The following C21orf58 variants were observed in gnomAD, a reference collection of about 807,000 sequenced individuals.
The protein encoded by C21orf58 is chromosome 21 open reading frame 58, also known as uncharacterized protein C21orf58.
Under a neutral mutation model 35.8 loss-of-function variants are expected in C21orf58, and 34 were observed. The ratio of observed to expected loss-of-function variants is 0.95; its 90% CI spans 0.72 to 1.26. The LOEUF is 1.26. C21orf58 is among the 50% of genes most tolerant of loss of function. The probability of loss-of-function intolerance (pLI) is 0.00; values close to 1 mark genes in which losing one functional copy is unlikely to be tolerated. For synonymous variants in C21orf58, 191 were observed against 175.8 expected (o/e 1.09, Z -0.68); for missense variants, 440 against 414.3 (o/e 1.06, Z -0.54).
chr21:46,305,950 AG>A (rs1285853226), intron 6 of C21orf58, among the ~76,000 whole-genome samples: 22 of 151,948 alleles, frequency 1.4e-4, no homozygotes, highest in Admixed American at 7.9e-4. Flanking sequence ...AAAAAAAAAA[AG>A]AAAAGAATCT....
intron 6 of C21orf58, among the ~76,000 whole-genome samples, chr21:46,303,053 C>A (rs1055980385): frequency 6.6e-5 from 10 of 152,152 alleles, no homozygotes; most frequent in African/African-American, 2.4e-4. Context: ...AATCCCAGCT[C>A]CTTGGGAGGC....
At chr21:46,302,314 A>G (rs945195287) in intron 7 of C21orf58, among the ~76,000 whole-genome samples, 160 bp from the exon 8 acceptor site, 1 of 152,268 alleles carries the variant, frequency 6.6e-6, no homozygotes, top group Middle Eastern at 3.4e-3. Flanking sequence ...AAATTGTGCA[A>G]CCCATTCCTC....
intron 5 of C21orf58, among the ~76,000 whole-genome samples, chr21:46,314,463 A>G (rs1425898713): frequency 6.6e-6 from 1 of 152,142 alleles, no homozygotes; most frequent in Non-Finnish European, 1.5e-5. Flanking sequence ...CCCTAATGCA[A>G]CATTTAAGGC....
rs944083612 is a variant in C21orf58 at position 46,302,098 on chromosome 21, G to A, written c.870C>T (p.Ala290=). The change falls in exon 8 of 8, where the codon GCC becomes GCT. Residue 290 remains alanine, a synonymous_variant. Transcript: ENST00000291691. ...GGTGGTGGTGGTGGTGGTGGTGCAC[G>A]GCAGGCAGCCTTGGCCTGGCAGCTC... ...VPRAARPRLP[A]VHHHHHHHHA... 19 of 1,511,594 alleles carry A rather than the reference G, an allele frequency of 1.3e-5. No homozygotes were observed. Among genetic ancestry groups the A allele is most frequent in the Admixed American group, 4.2e-5 (2 of 47,160 alleles). 93.6% of individuals were successfully genotyped at this position (1,511,594 alleles called of 1,614,324 possible).
chr21:46,304,052 A>C (rs1265196126), intron 6 of C21orf58, among the ~76,000 whole-genome samples: 1 of 81,268 alleles, frequency 1.2e-5, no homozygotes, highest in Admixed American at 2.0e-4. Context: ...TTTGAGACGG[A>C]GTCTCACTGT....
chr21:46,314,995 C>A (rs548656904), intron 4 of C21orf58, 115 bp from the exon 5 acceptor site: 29 of 1,549,754 alleles, frequency 1.9e-5, no homozygotes, highest in South Asian at 1.7e-4. Context: ...CCTCTCCGGG[C>A]AGGATGGCCA....
chr21:46,318,091 G>A lies in C21orf58; in HGVS notation c.230C>T (p.Ser77Leu), dbSNP rs150599402. 1.9e-4 allele frequency: 306 copies of A among 1,613,340 alleles called. No homozygotes were observed. The African/African-American group carries it at 3.7e-3, about 20-fold the overall frequency. Residue 77 changes from serine to leucine, a missense_variant, in exon 2 of 8, where the codon TCG becomes TTG. Transcript: ENST00000291691. ...CAGCATGGTGGGAGCTGCAGGAGACGACTGTAGGGGCAGGGGAGGCCACAG... is the reference window on the plus strand; with the variant it reads ...CAGCATGGTGGGAGCTGCAGGAGACAACTGTAGGGGCAGGGGAGGCCACAG... Reference protein sequence around the residue: ...GGLWPPLPLQSSPAAPTMLDS... With the variant: ...GGLWPPLPLQLSPAAPTMLDS...
intron 1 of C21orf58, chr21:46,322,416 T>G (rs1462205656): frequency 5.0e-5 from 49 of 984,588 alleles, no homozygotes; most frequent in Non-Finnish European, 5.4e-5. Flanking sequence ...GCACATCCCC[T>G]CAGTCCCACA....
intron 5 of C21orf58, among the ~76,000 whole-genome samples, chr21:46,312,730 T>A (rs1371362324): frequency 1.3e-5 from 2 of 152,202 alleles, no homozygotes; most frequent in Admixed American, 1.3e-4. Context: ...CACAGTGGCT[T>A]TAATTTGCAT....
intron 1 of C21orf58, among the ~76,000 whole-genome samples, chr21:46,322,027 G>T (rs905063156): frequency 1.3e-4 from 19 of 150,872 alleles, no homozygotes; most frequent in African/African-American, 4.4e-4. Flanking sequence ...GGTTGCTCAT[G>T]CCTGTAACTC....
intron 6 of C21orf58, among the ~76,000 whole-genome samples, 169 bp from the exon 7 acceptor site, chr21:46,302,745 G>A (rs4819233): frequency 0.028 from 4,077 of 147,268 alleles, 34 homozygotes; most frequent in Admixed American, 0.068. Flanking sequence ...GGCGCGCCCT[G>A]AGCCCGTCTG....
intron 6 of C21orf58, among the ~76,000 whole-genome samples, chr21:46,307,070 A>G (rs1321875604): frequency 6.7e-6 from 1 of 148,320 alleles, no homozygotes; most frequent in East Asian, 2.0e-4. Context: ...TGATTTTTGT[A>G]TTTTTAGTAG....
intron 1 of C21orf58, among the ~76,000 whole-genome samples, chr21:46,319,966 G>C (rs1020632592): frequency 6.6e-6 from 1 of 152,102 alleles, no homozygotes; most frequent in African/African-American, 2.4e-5. Context: ...CTTGTCCACA[G>C]TCATTAACAG....
chr21:46,319,916 AT>A (rs2083098519), intron 1 of C21orf58, among the ~76,000 whole-genome samples: 2 of 152,042 alleles, frequency 1.3e-5, no homozygotes. Context: ...AATAAAAAAA[AT>A]AAAAAAATAA....
intron 5 of C21orf58, chr21:46,312,912 C>A: frequency 1.3e-6 from 1 of 791,364 alleles, no homozygotes; most frequent in Non-Finnish European, 1.5e-6. Context: ...TAGAACACGT[C>A]ATGAAAATGA....
intron 4 of C21orf58, 147 bp from the exon 5 acceptor site, chr21:46,315,027 G>T: frequency 1.3e-6 from 2 of 1,543,566 alleles, no homozygotes; most frequent in Admixed American, 2.0e-5. Context: ...CCCTTCCAGG[G>T]TTATGTGCAT....
At chr21:46,313,397 G>A (rs2082825833) in intron 5 of C21orf58, among the ~76,000 whole-genome samples, 1 of 152,162 alleles carries the variant, frequency 6.6e-6, no homozygotes, top group African/African-American at 2.4e-5. Context: ...AGACCCATGA[G>A]GCTTTCTTAG....
Position 46,322,763 on chromosome 21 carries a change from C to T in C21orf58, c.-25G>A, listed in dbSNP as rs1439453003. On this transcript the variant is annotated 5_prime_UTR_variant, in exon 1 of 8. Transcript: ENST00000291691. ...TTGCGCTATAGCCTGGGCGTCGCAGCGAGACTGTCTCAAAAAAAGAAAAAA... is the reference window on the plus strand; with the variant it reads ...TTGCGCTATAGCCTGGGCGTCGCAGTGAGACTGTCTCAAAAAAAGAAAAAA... The T allele has an allele frequency of 7.1e-7, 1 of 1,415,232 alleles. No homozygotes were observed. The highest frequency in any genetic ancestry group is 9.4e-7 in the Non-Finnish European group (1 of 1,066,742). 87.7% of individuals were successfully genotyped at this position (1,415,232 alleles called of 1,614,324 possible). A position where few individuals can be genotyped will look rare whatever the true frequency, so the allele number is the denominator to read the frequency against.
At chr21:46,304,413 G>T (rs1207714885) in intron 6 of C21orf58, among the ~76,000 whole-genome samples, 1 of 151,532 alleles carries the variant, frequency 6.6e-6, no homozygotes, top group East Asian at 2.0e-4. Context: ...CTTGAGCCCA[G>T]AAGTTGAGGC....
Sources: allele counts gnomAD v4.1 joint callset (sites outside exome capture counted in the v4.1 genomes callset), GRCh38; gene constraint gnomAD v4.1.1; transcripts MANE v1.5; gene names NCBI Gene and HGNC (gene_info 2026-07-23, HGNC 2026-07-21).